CRLF3: variants seen among roughly 807,000 people sequenced by gnomAD.
The protein encoded by CRLF3 is cytokine receptor-like factor 3.
A neutral mutation model predicts 55.0 loss-of-function variants in CRLF3; 33 were observed. The ratio of observed to expected loss-of-function variants is 0.60; its 90% CI spans 0.46 to 0.80. The LOEUF is 0.80. Among genes scored for constraint, CRLF3 ranks in the 30% least tolerant of loss-of-function variants. CRLF3 has a pLI of 0.00. For missense variants in CRLF3, 494 were observed against 538.4 expected (o/e 0.92, Z 0.82); for synonymous variants, 238 against 196.8 (o/e 1.21, Z -1.75).
chr17:30,814,491 C>T (rs1018166768), intron 1 of CRLF3, among the ~76,000 whole-genome samples: 2 of 151,524 alleles, frequency 1.3e-5, no homozygotes, highest in Non-Finnish European at 2.9e-5. Flanking sequence ...CCTGTCTCTA[C>T]TAAAAATACA....
intron 2 of CRLF3, among the ~76,000 whole-genome samples, chr17:30,802,973 T>C (rs561809333): frequency 6.6e-6 from 1 of 151,996 alleles, no homozygotes; most frequent in South Asian, 2.1e-4. Context: ...GAGACCAGCC[T>C]GGGCAACATG....
chr17:30,814,125 C>T (rs1489591397), intron 1 of CRLF3, among the ~76,000 whole-genome samples: 4 of 151,936 alleles, frequency 2.6e-5, no homozygotes, highest in South Asian at 4.2e-4. Context: ...GCCTTGGTGG[C>T]GCATGCCTGT....
chr17:30,792,760 T>C, intron 5 of CRLF3, 188 bp from the exon 6 acceptor site: 2 of 478,954 alleles, frequency 4.2e-6, no homozygotes, highest in East Asian at 5.8e-5. Context: ...TTTTAGTATA[T>C]TCCTGCATAA....
rs952911264 is a variant in CRLF3, at chr17:30,782,918, A to G, written c.*1269T>C. On this transcript the variant is annotated 3_prime_UTR_variant, in exon 8 of 8. Coordinates refer to ENST00000324238, the MANE Select transcript of CRLF3 (RefSeq NM_015986.4). ...TACTGGTAAAAATGAAATGAAAAAA[A>G]TAATTCACATTAAAATAAAATCTGT... 3 of 152,232 alleles carry G rather than the reference A, an allele frequency of 2.0e-5. No homozygotes were observed. The highest frequency in any genetic ancestry group is 7.2e-5 in the African/African-American group (3 of 41,474). 9.4% of individuals were successfully genotyped at this position (152,232 alleles called of 1,614,324 possible).
intron 6 of CRLF3, chr17:30,787,548 T>C (rs1358966650): frequency 2.8e-5 from 4 of 140,380 alleles, no homozygotes; most frequent in Admixed American, 1.4e-4. Flanking sequence ...AAAAAAAAAT[T>C]AGTGTGAAAC....
chr17:30,791,630 G>C (rs1971804027), intron 6 of CRLF3, among the ~76,000 whole-genome samples: 1 of 150,134 alleles, frequency 6.7e-6, no homozygotes, highest in Non-Finnish European at 1.5e-5. Context: ...CCATTCTCCT[G>C]CCTCAGCCTC....
At chr17:30,794,340 G>A (rs1347520813) in intron 4 of CRLF3, among the ~76,000 whole-genome samples, 1 of 151,990 alleles carries the variant, frequency 6.6e-6, no homozygotes, top group Non-Finnish European at 1.5e-5. Flanking sequence ...TAATTTTTAG[G>A]GGTCCTGCAT....
At chr17:30,784,470 T>A (rs1254357852) in intron 7 of CRLF3, 27 bp from the exon 8 acceptor site, 1 of 1,586,358 alleles carries the variant, frequency 6.3e-7, no homozygotes, top group Admixed American at 1.7e-5. Flanking sequence ...AAGAGTCATT[T>A]ACATGTGAGC....
At chr17:30,793,398 A>C (rs1056241685) in intron 5 of CRLF3, 52 bp downstream of exon 5, 47 of 1,353,782 alleles carry the variant, frequency 3.5e-5, no homozygotes, top group Non-Finnish European at 4.4e-5. Context: ...CACAGAATAC[A>C]GGTATTCTAA....
intron 1 of CRLF3, among the ~76,000 whole-genome samples, chr17:30,816,163 T>A (rs756818001): frequency 7.6e-4 from 115 of 150,682 alleles, no homozygotes; most frequent in Non-Finnish European, 1.4e-3. Flanking sequence ...GCACCTGTAG[T>A]CCCAGCTACT....
rs928025574 is a variant in CRLF3, at chr17:30,792,556, A to C, written c.843T>G (p.Phe281Leu). 6.2e-7 allele frequency: 1 copy of C among 1,601,428 alleles called. No individual in the cohort carries two copies. The highest frequency in any genetic ancestry group is 8.5e-7 in the Non-Finnish European group (1 of 1,169,758). The change falls in exon 6 of 8, where the codon TTT becomes TTG. Residue 281 changes from phenylalanine to leucine, a missense_variant. Phe to Leu is a conservative substitution (Grantham distance 22). Coordinates refer to ENST00000324238, the MANE Select transcript of CRLF3 (RefSeq NM_015986.4). ...TLVPHEWTAG[F>L]EGYSLSSRRN... ...TTCGACTGCTCAGACTGTACCCCTCAAAACCAGCTGTCCACTCTTTTTCAA... is the reference window on the plus strand; with the variant it reads ...TTCGACTGCTCAGACTGTACCCCTCCAAACCAGCTGTCCACTCTTTTTCAA...
chr17:30,787,907 A>C (rs1971686299), intron 6 of CRLF3, among the ~76,000 whole-genome samples: 1 of 152,010 alleles, frequency 6.6e-6, no homozygotes, highest in Non-Finnish European at 1.5e-5. Context: ...GGCTGAGGTG[A>C]GAGGGTCACT....
At chr17:30,796,509 ATAAG>A (rs1472851790) in intron 3 of CRLF3, among the ~76,000 whole-genome samples, 172 bp from the exon 4 acceptor site, 7 of 152,200 alleles carry the variant, frequency 4.6e-5, no homozygotes, top group East Asian at 1.9e-4. Flanking sequence ...TCAAATAAAT[ATAAG>A]TAAGACAGAA....
chr17:30,796,725 C>CT lies in CRLF3; in HGVS notation c.426-389dup, dbSNP rs750539288. Among the ~76,000 whole-genome samples, 1,012 of 132,184 alleles carry CT rather than the reference C, an allele frequency of 7.7e-3. 5 individuals carry two copies. The highest frequency in any genetic ancestry group is 0.017 in the Admixed American group (217 of 12,958). 86.7% of individuals were successfully genotyped at this position (132,184 alleles called of 152,430 possible). A position where few individuals can be genotyped will look rare whatever the true frequency, so the allele number is the denominator to read the frequency against. ...AACAGTGGTAATGGGCAGTGAAACG[C>CT]TTTTTTTTTTTTTTTTCAGACAGAG... On this transcript the variant is annotated intron_variant, in intron 3 of 7. Coordinates refer to ENST00000324238, the MANE Select transcript of CRLF3 (RefSeq NM_015986.4).
chr17:30,808,885 AC>A (rs1904521267), intron 1 of CRLF3, among the ~76,000 whole-genome samples: 1 of 152,106 alleles, frequency 6.6e-6, no homozygotes, highest in African/African-American at 2.4e-5. Flanking sequence ...GAGCCACCGC[AC>A]CCGGCCAAAT....
At chr17:30,815,481 C>G (rs1904767842) in intron 1 of CRLF3, among the ~76,000 whole-genome samples, 1 of 151,086 alleles carries the variant, frequency 6.6e-6, no homozygotes, top group Non-Finnish European at 1.5e-5. Context: ...CTTGCCATCC[C>G]AAAGTGCTGG....
intron 1 of CRLF3, among the ~76,000 whole-genome samples, chr17:30,809,374 C>T (rs181679076): frequency 6.6e-6 from 1 of 152,310 alleles, no homozygotes; most frequent in East Asian, 1.9e-4. Context: ...AGCCTAGTCA[C>T]CTTTAATCCA....
intron 7 of CRLF3, chr17:30,784,758 ATTTTT>A: frequency 5.5e-6 from 1 of 182,714 alleles, no homozygotes; most frequent in Non-Finnish European, 1.1e-5. Flanking sequence ...CACCAACACA[ATTTTT>A]TTTTTTTTTT....
chr17:30,791,708 G>A (rs929077641), intron 6 of CRLF3, among the ~76,000 whole-genome samples: 1 of 149,208 alleles, frequency 6.7e-6, no homozygotes, highest in African/African-American at 2.5e-5. Context: ...AGTAGAGATG[G>A]GGTTTCACCA....
Sources: allele counts gnomAD v4.1 joint callset (sites outside exome capture counted in the v4.1 genomes callset), GRCh38; gene constraint gnomAD v4.1.1; transcripts MANE v1.5; gene names NCBI Gene and HGNC (gene_info 2026-07-23, HGNC 2026-07-21).